Variants in CCSER1 observed in about 807,000 individuals in gnomAD.
CCSER1 encodes coiled-coil serine rich protein 1, also known as serine-rich coiled-coil domain-containing protein 1.
Under a neutral mutation model 82.0 loss-of-function variants are expected in CCSER1, and 41 were observed. The ratio of observed to expected loss-of-function variants is 0.50; its 90% CI spans 0.39 to 0.65. CCSER1 has a LOEUF of 0.65. Ranked by LOEUF, CCSER1 falls within the 30% of genes least tolerant of loss-of-function variation. The pLI, the probability that CCSER1 is intolerant of heterozygous loss-of-function variation, is 0.00. For missense variants in CCSER1, 1,119 were observed against 1,064.2 expected, an observed-to-expected ratio of 1.05 and a Z score of -0.72; for synonymous variants, 414 against 383.9, an observed-to-expected ratio of 1.08 and a Z score of -0.92.
At chr4:91,456,155 T>A (rs1048786534) in intron 10 of CCSER1, among the ~76,000 whole-genome samples, 1 of 152,044 alleles carries the variant, frequency 6.6e-6, no homozygotes, top group Non-Finnish European at 1.5e-5. Context: ...AGGGTTCTCC[T>A]GTGGGTTGCA....
intron 9 of CCSER1, among the ~76,000 whole-genome samples, chr4:91,075,681 A>G (rs1281246217): frequency 6.6e-6 from 1 of 152,168 alleles, no homozygotes; most frequent in Non-Finnish European, 1.5e-5. Flanking sequence ...AGTGGAAATG[A>G]TATAAAAGTA....
At chr4:90,566,032 ATTTTTTT>A (rs375375662) in intron 5 of CCSER1, among the ~76,000 whole-genome samples, 1 of 122,544 alleles carries the variant, frequency 8.2e-6, no homozygotes, top group Non-Finnish European at 1.8e-5. Flanking sequence ...TAATTTTTGT[ATTTTTTT>A]TTTTTTTTTT....
intron 5 of CCSER1, among the ~76,000 whole-genome samples, chr4:90,604,705 T>G (rs1326640672): frequency 6.6e-6 from 1 of 152,176 alleles, no homozygotes; most frequent in Non-Finnish European, 1.5e-5. Context: ...GCACTTCGTG[T>G]CTAGCTCAAG....
chr4:90,280,923 A>G (rs1270028062), intron 1 of CCSER1, among the ~76,000 whole-genome samples: 8 of 152,054 alleles, frequency 5.3e-5, no homozygotes, highest in Non-Finnish European at 1.2e-4. Flanking sequence ...GTCACATTAC[A>G]CAGCCCAATG....
chr4:91,428,364 A>T (rs1052458683), intron 10 of CCSER1, among the ~76,000 whole-genome samples: 1 of 152,072 alleles, frequency 6.6e-6, no homozygotes, highest in Non-Finnish European at 1.5e-5. Context: ...TATGGACAAC[A>T]TTTATTCAAA....
At chr4:90,325,643 C>G (rs1444173218) in intron 3 of CCSER1, 1 of 449,668 alleles carries the variant, frequency 2.2e-6, no homozygotes, top group African/African-American at 2.0e-5. Flanking sequence ...TCACAATTTG[C>G]AGCACAGAAT....
chr4:91,302,432 A>T (rs1258689402), intron 10 of CCSER1, among the ~76,000 whole-genome samples: 5 of 151,922 alleles, frequency 3.3e-5, no homozygotes. Context: ...CTTTCATCCA[A>T]GGCAAAACCA....
chr4:91,165,392 C>T (rs932091143), intron 10 of CCSER1, among the ~76,000 whole-genome samples: 1 of 152,032 alleles, frequency 6.6e-6, no homozygotes, highest in African/African-American at 2.4e-5. Context: ...TGTCAGGGAC[C>T]CACTTGAGGA....
intron 5 of CCSER1, among the ~76,000 whole-genome samples, chr4:90,565,083 T>C (rs780619848): frequency 6.6e-6 from 1 of 152,012 alleles, no homozygotes; most frequent in Non-Finnish European, 1.5e-5. Context: ...TTGATAGGTA[T>C]TGTGTTAAAT....
chr4:91,021,315 C>A (rs1284694179), intron 9 of CCSER1, among the ~76,000 whole-genome samples: 1 of 151,858 alleles, frequency 6.6e-6, no homozygotes, highest in African/African-American at 2.4e-5. Flanking sequence ...TGATAAAAAA[C>A]AAGAACTATT....
At chr4:90,479,446 A>C (rs1042434695) in intron 5 of CCSER1, among the ~76,000 whole-genome samples, 2 of 152,170 alleles carry the variant, frequency 1.3e-5, no homozygotes, top group Non-Finnish European at 2.9e-5. Flanking sequence ...TGTTACATAT[A>C]TACATGTGCC....
chr4:90,818,630 G>T (rs1367357568), intron 8 of CCSER1, among the ~76,000 whole-genome samples: 1 of 152,048 alleles, frequency 6.6e-6, no homozygotes, highest in Non-Finnish European at 1.5e-5. Flanking sequence ...TTGTTTTTAG[G>T]GCATGGTTTC....
intron 9 of CCSER1, among the ~76,000 whole-genome samples, chr4:90,956,151 G>T (rs1005841874): frequency 6.6e-6 from 1 of 151,966 alleles, no homozygotes; most frequent in African/African-American, 2.4e-5. Flanking sequence ...AAATAAAAAC[G>T]TGTATTGATA....
chr4:91,112,794 T>C (rs953005384), intron 10 of CCSER1: 2 of 152,190 alleles, frequency 1.3e-5, no homozygotes, highest in Middle Eastern at 3.2e-3. Context: ...CTCTCTTCTA[T>C]ATTGTTATTG....
intron 7 of CCSER1, among the ~76,000 whole-genome samples, chr4:90,791,280 G>A (rs1301839406): frequency 6.6e-6 from 1 of 152,136 alleles, no homozygotes; most frequent in Admixed American, 6.5e-5. Flanking sequence ...ATGAGATTTG[G>A]GTAGGGACAC....
chr4:90,338,685 G>A (rs1740850249), intron 3 of CCSER1, among the ~76,000 whole-genome samples: 1 of 152,120 alleles, frequency 6.6e-6, no homozygotes, highest in Non-Finnish European at 1.5e-5. Context: ...ATGAAAATTT[G>A]TTATTTTAAT....
intron 5 of CCSER1, among the ~76,000 whole-genome samples, chr4:90,556,235 A>G (rs2153644743): frequency 6.6e-6 from 1 of 152,244 alleles, no homozygotes; most frequent in East Asian, 1.9e-4. Flanking sequence ...AAACTGATAG[A>G]AAGAAAACTT....
intron 4 of CCSER1, among the ~76,000 whole-genome samples, chr4:90,419,135 C>T (rs1466817919): frequency 2.6e-5 from 4 of 151,962 alleles, no homozygotes; most frequent in Non-Finnish European, 5.9e-5. Flanking sequence ...GTTATAATAG[C>T]GTTTCCAAAT....
At chr4:91,101,136 C>T (rs994771395) in intron 10 of CCSER1, among the ~76,000 whole-genome samples, 4 of 152,130 alleles carry the variant, frequency 2.6e-5, no homozygotes, top group African/African-American at 9.7e-5. Context: ...ATAAGAAATC[C>T]ATTACATACA....
Sources: allele counts gnomAD v4.1 joint callset (sites outside exome capture counted in the v4.1 genomes callset), GRCh38; gene constraint gnomAD v4.1.1; transcripts MANE v1.5; gene names NCBI Gene and HGNC (gene_info 2026-07-23, HGNC 2026-07-21).